Variants in FYCO1 observed in about 807,000 individuals in gnomAD.
FYCO1 encodes FYVE and coiled-coil domain autophagy adaptor 1.
A neutral mutation model predicts 165.1 loss-of-function variants in FYCO1; 122 were observed. That is an observed-to-expected ratio of 0.74 (90% CI 0.64 to 0.86). The LOEUF is 0.86. Ranked by LOEUF, FYCO1 falls within the 40% of genes least tolerant of loss-of-function variation. The probability of loss-of-function intolerance (pLI) is 0.00; values close to 1 mark genes in which losing one functional copy is unlikely to be tolerated. For synonymous variants in FYCO1, 648 were observed against 742.5 expected, an observed-to-expected ratio of 0.87 and a Z score of 2.07; for missense variants, 1,702 against 1,810.3, an observed-to-expected ratio of 0.94 and a Z score of 1.09.
intron 1 of FYCO1, among the ~76,000 whole-genome samples, chr3:45,992,928 G>C (rs991489507): frequency 2.0e-5 from 3 of 152,234 alleles, no homozygotes; most frequent in African/African-American, 7.2e-5. Context: ...GCATGCTAAT[G>C]GTTTTCTTGG....
At chr3:45,957,637 C>G (rs1260225349) in intron 13 of FYCO1, among the ~76,000 whole-genome samples, 1 of 152,250 alleles carries the variant, frequency 6.6e-6, no homozygotes, top group African/African-American at 2.4e-5. Flanking sequence ...ACTCCCCATC[C>G]TTGTCAGTTC....
intron 14 of FYCO1, among the ~76,000 whole-genome samples, chr3:45,952,056 AC>A (rs1705064186): frequency 6.6e-6 from 1 of 152,140 alleles, no homozygotes; most frequent in Non-Finnish European, 1.5e-5. Context: ...ACCTCCAACA[AC>A]AGAAGTTATC....
At chr3:45,945,654 T>G (rs559369724) in intron 14 of FYCO1, 22 of 152,242 alleles carry the variant, frequency 1.4e-4, no homozygotes, top group African/African-American at 5.1e-4. Context: ...TTAAGAGACT[T>G]CTTGTTCAGA....
chr3:45,957,099 C>T (rs1420385598), intron 13 of FYCO1, among the ~76,000 whole-genome samples: 1 of 152,130 alleles, frequency 6.6e-6, no homozygotes, highest in African/African-American at 2.4e-5. Flanking sequence ...AGGTCAATTG[C>T]CTACTTTCTC....
intron 14 of FYCO1, 50 bp from the exon 15 acceptor site, chr3:45,936,593 G>T: frequency 3.0e-6 from 4 of 1,317,436 alleles, no homozygotes; most frequent in South Asian, 1.2e-5. Flanking sequence ...AACACACAGG[G>T]TCTCACATCC....
chr3:45,947,527 G>C, intron 14 of FYCO1: 1 of 1,600,134 alleles, frequency 6.2e-7, no homozygotes, highest in South Asian at 1.1e-5. Flanking sequence ...CCAGGGTTTC[G>C]AGAAGCTGCT....
rs989848898 is a variant in FYCO1, at chr3:45,995,138, C to G, written c.-113+584G>C. ...AGACAACAGGTGTTTCGGGAAAAGA[C>G]CCCTGGGGGCTAGCTCGAGACCCTG... On this transcript the variant is annotated intron_variant, in intron 1 of 17. Coordinates refer to ENST00000296137, the MANE Select transcript of FYCO1 (RefSeq NM_024513.4). 6.4e-5 allele frequency among the ~76,000 whole-genome samples: 9 copies of G among 141,454 alleles called. No individual in the cohort carries two copies. In the South Asian group the frequency reaches 2.1e-3, roughly 33 times the overall value. 92.8% of individuals were successfully genotyped at this position (141,454 alleles called of 152,430 possible).
chr3:45,981,304 CCTT>C (rs1166770240), intron 3 of FYCO1, among the ~76,000 whole-genome samples: 2 of 152,176 alleles, frequency 1.3e-5, no homozygotes, highest in Non-Finnish European at 2.9e-5. Flanking sequence ...CATACAGTAA[CCTT>C]CTGACCTACC....
At chr3:45,986,718 T>A (rs1163224085) in intron 1 of FYCO1, among the ~76,000 whole-genome samples, 1 of 151,950 alleles carries the variant, frequency 6.6e-6, no homozygotes, top group African/African-American at 2.4e-5. Flanking sequence ...GACACCAAAC[T>A]GAGGATGGGA....
chr3:45,968,490 G>T lies in FYCO1; in HGVS notation c.844C>A (p.Arg282Ser), dbSNP rs201358723. Reference sequence around the variant, plus strand: ...CGAACGTTGTCCTCCGCTGCAGTGCGCCCCCTCTCCCTCTCTGTCTGCAGT... The same window carrying T: ...CGAACGTTGTCCTCCGCTGCAGTGCTCCCCCTCTCCCTCTCTGTCTGCAGT... ...EQLQTERERG[R>S]TAAEDNVRLT... Residue 282 changes from arginine to serine, a missense_variant, in exon 8 of 18, where the codon CGC (arginine) becomes AGC (serine). Arg to Ser is a moderately radical substitution (Grantham distance 110, BLOSUM62 -1). Coordinates refer to ENST00000296137, the MANE Select transcript of FYCO1 (RefSeq NM_024513.4). 3 of 1,613,898 alleles carry T rather than the reference G, an allele frequency of 1.9e-6. No homozygotes were observed. The highest frequency in any genetic ancestry group is 1.6e-4 in the Middle Eastern group (1 of 6,062).
intron 15 of FYCO1, among the ~76,000 whole-genome samples, chr3:45,933,074 T>C (rs1703709554): frequency 6.6e-6 from 1 of 152,230 alleles, no homozygotes; most frequent in African/African-American, 2.4e-5. Context: ...AGACATCATC[T>C]ATTCAGTGAC....
rs7652331 is a variant in FYCO1 at position 45,921,260 on chromosome 3, T to C, written c.*505A>G. On this transcript the variant is annotated 3_prime_UTR_variant, in exon 18 of 18. Transcript: ENST00000296137. Reference sequence around the variant, plus strand: ...GGGGGTCCCCTGGCACCGACTCGCATGATGGCTGTGTACCTCCTTTTCCCA... The same window carrying C: ...GGGGGTCCCCTGGCACCGACTCGCACGATGGCTGTGTACCTCCTTTTCCCA... The C allele has an allele frequency of 0.73, 153,104 of 210,050 alleles. 57,800 individuals are homozygous for C. Among genetic ancestry groups the C allele is most frequent in the East Asian group, 1 (9,001 of 9,032 alleles). The allele number at this position is 210,050 out of a possible 1,614,324, so 13.0% of individuals were successfully genotyped here. A position where few individuals can be genotyped will look rare whatever the true frequency, so the allele number is the denominator to read the frequency against.
At chr3:45,965,583 C>T (rs1202117728) in intron 8 of FYCO1, among the ~76,000 whole-genome samples, 2 of 152,246 alleles carry the variant, frequency 1.3e-5, no homozygotes, top group Non-Finnish European at 2.9e-5. Context: ...TGTGTACTAT[C>T]AAAGGCACAT....
rs561595007 is a variant in FYCO1, at chr3:45,964,173, G to C, written c.3269+163C>G. Reference sequence around the variant, plus strand: ...TAGGTTGTGATGGGCAGGCAACCAGGTTCTCTGTGGCATGCTTCCAGCAGA... The same window carrying C: ...TAGGTTGTGATGGGCAGGCAACCAGCTTCTCTGTGGCATGCTTCCAGCAGA... On this transcript the variant is annotated intron_variant, in intron 10 of 17. Transcript: ENST00000296137. The surrounding 1 kb of genome is among the most constrained non-coding windows in gnomAD (Gnocchi z 4.1). 1.3e-5 allele frequency among the ~76,000 whole-genome samples: 2 copies of C among 152,328 alleles called. No homozygotes were observed. Among genetic ancestry groups the C allele is most frequent in the South Asian group, 4.1e-4 (2 of 4,826 alleles).
intron 16 of FYCO1, among the ~76,000 whole-genome samples, chr3:45,927,276 C>T (rs1468554089): frequency 2.0e-5 from 3 of 152,150 alleles, no homozygotes; most frequent in African/African-American, 7.2e-5. Flanking sequence ...TTGTTCTAGG[C>T]CATTAAGAAA....
In FYCO1 at chr3:45,981,751, A is replaced by T. The variant is rs191591235; in HGVS notation, c.56-75T>A. On this transcript the variant is annotated intron_variant, in intron 2 of 17. Transcript: ENST00000296137. ...ACAGAGAAGCAGAAATAATCCAGGA[A>T]GCATGAGGAGCAAGTGGTCAGTGAT... The T allele has an allele frequency of 8.6e-5, 88 of 1,021,492 alleles. No individual in the cohort carries two copies. In the African/African-American group the frequency reaches 1.1e-3, roughly 13 times the overall value. The allele number at this position is 1,021,492 out of a possible 1,614,324, so 63.3% of individuals were successfully genotyped here.
intron 6 of FYCO1, among the ~76,000 whole-genome samples, chr3:45,972,683 C>A (rs1019740371): frequency 6.6e-6 from 1 of 152,222 alleles, no homozygotes; most frequent in South Asian, 2.1e-4. Flanking sequence ...ATGCAGCAAC[C>A]TTTCCTGCAA....
chr3:45,966,160 C>T, intron 8 of FYCO1, 117 bp downstream of exon 8: 1 of 1,062,298 alleles, frequency 9.4e-7, no homozygotes, highest in Non-Finnish European at 1.4e-6. Flanking sequence ...TTTGCCTGCA[C>T]CCACAGTACA....
chr3:45,960,779 C>A (rs1202282360), intron 11 of FYCO1, among the ~76,000 whole-genome samples: 1 of 152,176 alleles, frequency 6.6e-6, no homozygotes, highest in Non-Finnish European at 1.5e-5. Context: ...CCCCAAACTA[C>A]AAACCAATTC....
Sources: gnomAD v4.1 joint callset for allele counts (sites outside exome capture counted in the v4.1 genomes callset) on GRCh38, gnomAD v4.1.1 for gene constraint, Gnocchi (gnomAD v3.1) non-coding constraint, MANE v1.5 for transcripts, NCBI Gene and HGNC (gene_info 2026-07-23, HGNC 2026-07-21) for gene names.